Variants in CYTH1 observed in about 807,000 individuals in gnomAD.
CYTH1 encodes the protein cytohesin 1.
Under a neutral mutation model 61.8 loss-of-function variants are expected in CYTH1, and 18 were observed. The observed-to-expected ratio is 0.29, with a 90% CI of 0.20 to 0.43. The LOEUF (loss-of-function observed/expected upper bound fraction) is 0.43. Ranked by LOEUF, CYTH1 falls within the 20% of genes least tolerant of loss-of-function variation. The pLI is 1.00. For synonymous variants in CYTH1, 174 were observed against 184.3 expected, an observed-to-expected ratio of 0.94 and a Z score of 0.45; for missense variants, 336 against 510.5, an observed-to-expected ratio of 0.66 and a Z score of 3.29.
At chr17:78,733,305 G>GT (rs1323784032) in intron 1 of CYTH1, among the ~76,000 whole-genome samples, 1 of 152,066 alleles carries the variant, frequency 6.6e-6, no homozygotes, top group Non-Finnish European at 1.5e-5. Flanking sequence ...AAGCTCAACT[G>GT]TAACTCTGCA....
chr17:78,735,291 G>A (rs897234291), intron 1 of CYTH1, among the ~76,000 whole-genome samples: 20 of 152,282 alleles, frequency 1.3e-4, no homozygotes, highest in Admixed American at 2.0e-4. Context: ...CAGCACCTCC[G>A]GTGGGTCTGA....
chr17:78,768,102 A>C (rs1411365716), intron 1 of CYTH1, among the ~76,000 whole-genome samples: 4 of 152,214 alleles, frequency 2.6e-5, no homozygotes, highest in Non-Finnish European at 5.9e-5. Context: ...GTCCAAAGGT[A>C]TAAAAAGGAG....
At chr17:78,762,262 T>G (rs1479077702) in intron 1 of CYTH1, among the ~76,000 whole-genome samples, 1 of 152,218 alleles carries the variant, frequency 6.6e-6, no homozygotes, top group Non-Finnish European at 1.5e-5. Context: ...CAAATAGTGT[T>G]GCTGATCAGC....
chr17:78,681,741 G>T (rs2092765257), intron 11 of CYTH1, among the ~76,000 whole-genome samples: 1 of 151,620 alleles, frequency 6.6e-6, no homozygotes, highest in Non-Finnish European at 1.5e-5. Context: ...TTTATATTTG[G>T]CCAGGAGAAT....
intron 1 of CYTH1, chr17:78,736,857 C>T (rs117039140): frequency 0.011 from 2,264 of 203,798 alleles, 15 homozygotes; most frequent in Non-Finnish European, 0.017. Context: ...GCCACTAGGG[C>T]AGCTCAGAGC....
intron 1 of CYTH1, among the ~76,000 whole-genome samples, chr17:78,738,268 C>G (rs534893771): frequency 6.6e-6 from 1 of 152,316 alleles, no homozygotes; most frequent in South Asian, 2.1e-4. Flanking sequence ...GGTGAGTGTC[C>G]TCGCCATCCC....
chr17:78,683,194 T>C (rs1405553047), intron 11 of CYTH1, among the ~76,000 whole-genome samples: 1 of 152,184 alleles, frequency 6.6e-6, no homozygotes, highest in Non-Finnish European at 1.5e-5. Context: ...GTTTCGCAGC[T>C]GTGATGTCAC....
At chr17:78,733,235 C>T (rs1002201224) in intron 1 of CYTH1, among the ~76,000 whole-genome samples, 2 of 152,148 alleles carry the variant, frequency 1.3e-5, no homozygotes, top group Non-Finnish European at 2.9e-5. Context: ...AGTTTATACA[C>T]ACATGCTATC....
At chr17:78,771,801 T>C (rs1419262620) in intron 1 of CYTH1, among the ~76,000 whole-genome samples, 2 of 151,576 alleles carry the variant, frequency 1.3e-5, no homozygotes, top group Non-Finnish European at 2.9e-5. Flanking sequence ...GGTATTATCC[T>C]GGCCCTTACT....
intron 1 of CYTH1, among the ~76,000 whole-genome samples, chr17:78,752,415 G>A (rs574183267): frequency 1.1e-4 from 16 of 152,132 alleles, no homozygotes; most frequent in Admixed American, 5.2e-4. Flanking sequence ...CAATGCTGCC[G>A]ATCATCTCAG....
In CYTH1 at chr17:78,739,941, C is replaced by CT. The variant is rs1206405948; in HGVS notation, c.23-30210dup. On this transcript the variant is annotated intron_variant, in intron 1 of 13. Transcript: ENST00000446868. Reference sequence around the variant, plus strand: ...TGAAAGAATGGAGCTGCTATCTTTTCTTTTTTTTTTCTGAGACTGAGTCTC... The same window carrying CT: ...TGAAAGAATGGAGCTGCTATCTTTTCTTTTTTTTTTTCTGAGACTGAGTCTC... 4.8e-3 allele frequency among the ~76,000 whole-genome samples: 602 copies of CT among 126,598 alleles called. 3 individuals are homozygous for CT. Among genetic ancestry groups the CT allele is most frequent in the African/African-American group, 0.015 (509 of 33,798 alleles). 83.1% of individuals were successfully genotyped at this position (126,598 alleles called of 152,430 possible).
intron 1 of CYTH1, among the ~76,000 whole-genome samples, chr17:78,711,310 T>C (rs541087715): frequency 0.01 from 1,482 of 143,616 alleles, 26 homozygotes; most frequent in African/African-American, 0.035. Flanking sequence ...ATAATATATA[T>C]ATATACACAC....
chr17:78,740,993 G>A (rs1290386865), intron 1 of CYTH1, among the ~76,000 whole-genome samples: 3 of 152,146 alleles, frequency 2.0e-5, no homozygotes, highest in Non-Finnish European at 4.4e-5. Context: ...AGCAGTGTCT[G>A]AACAAATGAT....
rs150278053 is a variant in CYTH1 at position 78,750,938 on chromosome 17, G to A, written c.22+31264C>T. Among the ~76,000 whole-genome samples, 1,065 of 152,200 alleles carry A rather than the reference G, an allele frequency of 7.0e-3. 14 individuals are homozygous for A. Among genetic ancestry groups the A allele is most frequent in the Middle Eastern group, 0.01 (3 of 294 alleles). On this transcript the variant is annotated intron_variant, in intron 1 of 13. Transcript: ENST00000446868. ...TGTCAACTGAACAATACATAACCTT[G>A]TTTATATGGGTTTCTGTTTAAAGAT... is the stretch of plus-strand genomic sequence containing the variant.
At chr17:78,759,763 C>A (rs1193409908) in intron 1 of CYTH1, among the ~76,000 whole-genome samples, 2 of 152,116 alleles carry the variant, frequency 1.3e-5, no homozygotes, top group Admixed American at 6.5e-5. Context: ...ATCATGGACG[C>A]ACAAATTCTT....
At chr17:78,730,960 G>A (rs1010967272) in intron 1 of CYTH1, among the ~76,000 whole-genome samples, 3 of 152,062 alleles carry the variant, frequency 2.0e-5, no homozygotes, top group African/African-American at 7.2e-5. Flanking sequence ...CACCGCGCTC[G>A]GCACGAAATT....
intron 1 of CYTH1, among the ~76,000 whole-genome samples, chr17:78,751,307 T>C (rs773671211): frequency 9.2e-5 from 14 of 152,154 alleles, no homozygotes; most frequent in African/African-American, 1.7e-4. Context: ...ATTGAACTCA[T>C]GGCCAACAGC....
chr17:78,676,842 C>T (rs2092705366), intron 13 of CYTH1: 1 of 377,730 alleles, frequency 2.6e-6, no homozygotes, highest in Non-Finnish European at 5.3e-6. Context: ...GGACTGGCAA[C>T]ACCACAACCC....
chr17:78,753,567 C>T (rs909728503), intron 1 of CYTH1, among the ~76,000 whole-genome samples: 3 of 152,020 alleles, frequency 2.0e-5, no homozygotes, highest in Non-Finnish European at 2.9e-5. Flanking sequence ...CTGCTGACAT[C>T]CCTAATTACA....
Sources: allele counts gnomAD v4.1 joint callset (sites outside exome capture counted in the v4.1 genomes callset), GRCh38; gene constraint gnomAD v4.1.1; transcripts MANE v1.5; gene names NCBI Gene and HGNC (gene_info 2026-07-23, HGNC 2026-07-21).